The following RFC3 variants were observed in gnomAD, a reference collection of about 807,000 sequenced individuals.
The protein encoded by RFC3 is replication factor C subunit 3, also known as A1 38 kDa subunit.
RFC3 carries 41 observed loss-of-function variants against 45.1 expected under a neutral mutation model. The observed-to-expected ratio is 0.91, with a 90% CI of 0.71 to 1.18. The LOEUF is 1.18. RFC3 is among the 50% of genes most tolerant of loss of function. The pLI is 0.00. For missense variants in RFC3, 423 were observed against 428.1 expected, an observed-to-expected ratio of 0.99 and a Z score of 0.10; for synonymous variants, 149 against 144.0, an observed-to-expected ratio of 1.03 and a Z score of -0.25.
intron 8 of RFC3, among the ~76,000 whole-genome samples, chr13:33,955,835 G>A (rs2083018627): frequency 6.6e-6 from 1 of 152,186 alleles, no homozygotes; most frequent in Admixed American, 6.5e-5. Context: ...GGGGCTTCAG[G>A]AGGCGCATGT....
At chr13:33,845,416 C>G (rs2082230293) in intron 8 of RFC3, among the ~76,000 whole-genome samples, 1 of 152,144 alleles carries the variant, frequency 6.6e-6, no homozygotes. Context: ...CTTAGATATG[C>G]CCTCTTGAAG....
At position 33,833,049 on chromosome 13, in the gene RFC3, G is replaced by A. The variant is rs1045404623; in HGVS notation, c.809+1695G>A. 2.0e-5 allele frequency among the ~76,000 whole-genome samples: 3 copies of A among 152,224 alleles called. No homozygotes were observed. In the South Asian group the frequency reaches 6.2e-4, roughly 32 times the overall value. Reference sequence around the variant, plus strand: ...CTGTTTCCTGTTTAAACCAACAATTGTAGGAATTGATTCCATTGTGCTACA... The same window carrying A: ...CTGTTTCCTGTTTAAACCAACAATTATAGGAATTGATTCCATTGTGCTACA... On this transcript the variant is annotated intron_variant, in intron 7 of 8. Transcript: ENST00000380071.
chr13:33,909,736 C>T (rs997730616), intron 8 of RFC3, among the ~76,000 whole-genome samples: 1 of 152,056 alleles, frequency 6.6e-6, no homozygotes, highest in Admixed American at 6.6e-5. Context: ...CTCCCAGAGA[C>T]ATAATCAAAA....
At chr13:33,934,786 T>A (rs981392965) in intron 8 of RFC3, among the ~76,000 whole-genome samples, 15 of 152,166 alleles carry the variant, frequency 9.9e-5, no homozygotes, top group Non-Finnish European at 4.4e-5. Context: ...TCCCTACTAC[T>A]TTTTTCTTTC....
intron 8 of RFC3, among the ~76,000 whole-genome samples, chr13:33,916,885 A>C (rs1379582931): frequency 1.3e-5 from 2 of 152,130 alleles, no homozygotes; most frequent in Non-Finnish European, 2.9e-5. Flanking sequence ...TTTTTGGTTT[A>C]TATAACTTCC....
chr13:33,887,966 C>G (rs1255760219), intron 8 of RFC3, among the ~76,000 whole-genome samples: 1 of 152,144 alleles, frequency 6.6e-6, no homozygotes, highest in African/African-American at 2.4e-5. Context: ...TCTGAGGGCT[C>G]TGTTCTGTTC....
At chr13:33,888,747 CTTTT>C (rs569209303) in intron 8 of RFC3, among the ~76,000 whole-genome samples, 2 of 136,726 alleles carry the variant, frequency 1.5e-5, no homozygotes, top group African/African-American at 5.5e-5. Context: ...TAAAGAAAAT[CTTTT>C]TTTTTTTTTT....
At chr13:33,905,605 C>T (rs978709716) in intron 8 of RFC3, among the ~76,000 whole-genome samples, 1 of 151,910 alleles carries the variant, frequency 6.6e-6, no homozygotes, top group Non-Finnish European at 1.5e-5. Flanking sequence ...GCAGTTTTCC[C>T]ACAACCTCTT....
chr13:33,830,443 A>AT (rs569342319), intron 5 of RFC3, among the ~76,000 whole-genome samples: 1 of 152,142 alleles, frequency 6.6e-6, no homozygotes, highest in African/African-American at 2.4e-5. Flanking sequence ...ACATAGATAT[A>AT]TTTTTTTCTC....
At chr13:33,969,071 A>G (rs1200918030), downstream of RFC3, among the ~76,000 whole-genome samples, 1 of 152,216 alleles carries the variant, frequency 6.6e-6, no homozygotes, top group Non-Finnish European at 1.5e-5. Context: ...ACACGTTTCA[A>G]CACTGTCAAC....
chr13:33,895,498 G>T (rs939757745), intron 8 of RFC3, among the ~76,000 whole-genome samples: 1 of 152,192 alleles, frequency 6.6e-6, no homozygotes, highest in Admixed American at 6.5e-5. Flanking sequence ...ATAGATGTTG[G>T]CATGGATGTG....
chr13:33,900,299 C>T (rs112664517), intron 8 of RFC3, among the ~76,000 whole-genome samples: 2,497 of 151,840 alleles, frequency 0.016, 60 homozygotes, highest in African/African-American at 0.05. Flanking sequence ...CTATAGTAAC[C>T]AAATCAGCAT....
In RFC3 at chr13:33,830,814, C is replaced by T; in HGVS notation, c.669C>T (p.Leu223=). ...HRLAEKSCRN[L]RKALLMCEAC... ...TTGCAGAGAAGTCTTGTAGAAATCT[C>T]AGAAAAGCCCTGCTTATGTGTGAAG... The change falls in exon 6 of 9, where the codon CTC becomes CTT. Residue 223 remains leucine, a synonymous_variant. Coordinates refer to ENST00000380071, the MANE Select transcript of RFC3 (RefSeq NM_002915.4). 1.2e-6 allele frequency: 2 copies of T among 1,613,746 alleles called. No individual in the cohort carries two copies. The highest frequency in any genetic ancestry group is 1.7e-6 in the Non-Finnish European group (2 of 1,179,826).
In RFC3 at chr13:33,925,427, TATAC is replaced by T. The variant is rs1440583857; in HGVS notation, c.880-40648_880-40645del. Among the ~76,000 whole-genome samples, 176 of 133,854 alleles carry T rather than the reference TATAC, an allele frequency of 1.3e-3. 3 individuals are homozygous for T. Among genetic ancestry groups the T allele is most frequent in the African/African-American group, 5.4e-3 (155 of 28,782 alleles). 87.8% of individuals were successfully genotyped at this position (133,854 alleles called of 152,430 possible). A position where few individuals can be genotyped will look rare whatever the true frequency, so the allele number is the denominator to read the frequency against. ...TACTATATACATACATAGTGTACTA[TATAC>T]ATACATACATAGTGTACTATATACA... On this transcript the variant is annotated intron_variant, in intron 8 of 8. Coordinates refer to the RFC3 transcript ENST00000434425.
chr13:33,895,842 AT>A (rs1394013644), intron 8 of RFC3, among the ~76,000 whole-genome samples: 1 of 152,178 alleles, frequency 6.6e-6, no homozygotes, highest in Non-Finnish European at 1.5e-5. Context: ...CGAACAAAAA[AT>A]AATGTCTTTT....
At chr13:33,933,960 A>G (rs565983073) in intron 8 of RFC3, among the ~76,000 whole-genome samples, 2 of 152,050 alleles carry the variant, frequency 1.3e-5, no homozygotes, top group African/African-American at 2.4e-5. Context: ...CGAGACTGGC[A>G]GACAGAGACT....
At chr13:33,972,714 A>G in the RFC3 span, among the ~76,000 whole-genome samples, 2 of 152,188 alleles carry the variant, frequency 1.3e-5, no homozygotes, top group African/African-American at 4.8e-5. Flanking sequence ...GTACCACATT[A>G]TGGCCCGTTA....
At chr13:33,874,053 A>G (rs1020410217) in intron 8 of RFC3, among the ~76,000 whole-genome samples, 2 of 152,162 alleles carry the variant, frequency 1.3e-5, no homozygotes, top group Non-Finnish European at 1.5e-5. Context: ...TCTCTGCAAC[A>G]TTTTCAAAGC....
intron 8 of RFC3, among the ~76,000 whole-genome samples, chr13:33,953,946 T>A (rs1370310852): frequency 6.6e-6 from 1 of 152,188 alleles, no homozygotes; most frequent in Non-Finnish European, 1.5e-5. Flanking sequence ...CCCTTTTAAG[T>A]TTAAAAGATA....
Sources: allele counts gnomAD v4.1 joint callset (sites outside exome capture counted in the v4.1 genomes callset), GRCh38; gene constraint gnomAD v4.1.1; transcripts MANE v1.5; gene names NCBI Gene and HGNC (gene_info 2026-07-23, HGNC 2026-07-21).